The following CHRM2 variants were observed in gnomAD, a reference collection of about 807,000 sequenced individuals.
CHRM2 encodes the protein muscarinic acetylcholine receptor M2.
In CHRM2, 8 loss-of-function variants were observed where a neutral mutation model predicts 25.0. The ratio of observed to expected loss-of-function variants is 0.32; its 90% confidence interval spans 0.19 to 0.58. CHRM2 has a LOEUF of 0.58. Ranked by LOEUF, CHRM2 falls within the 20% of genes least tolerant of loss-of-function variation. The pLI is 0.88. For missense variants in CHRM2, 440 were observed against 567.1 expected, an observed-to-expected ratio of 0.78 and a Z score of 2.28; for synonymous variants, 202 against 205.7, an observed-to-expected ratio of 0.98 and a Z score of 0.15.
chr7:136,953,324 A>G (rs996259342), intron 2 of CHRM2, among the ~76,000 whole-genome samples: 2 of 152,264 alleles, frequency 1.3e-5, no homozygotes, highest in Non-Finnish European at 2.9e-5. Context: ...AATTTCTGGT[A>G]GTGACAAATG....
At chr7:136,870,889 T>G (rs186645432) in intron 2 of CHRM2, 1 of 152,428 alleles carries the variant, frequency 6.6e-6, no homozygotes, top group Non-Finnish European at 1.5e-5. Flanking sequence ...CCACATCGAC[T>G]TTCTATTTCC....
chr7:136,900,559 G>A (rs1797142458), intron 2 of CHRM2, among the ~76,000 whole-genome samples: 1 of 151,958 alleles, frequency 6.6e-6, no homozygotes, highest in Admixed American at 6.6e-5. Context: ...GGAAGGAGGG[G>A]ATGTGAAAAG....
chr7:136,961,237 G>T (rs1236947903), intron 2 of CHRM2, among the ~76,000 whole-genome samples: 1 of 152,080 alleles, frequency 6.6e-6, no homozygotes, highest in Non-Finnish European at 1.5e-5. Flanking sequence ...ACTACATGAG[G>T]TATTCAGCAC....
chr7:136,906,623 A>C (rs903312665), intron 2 of CHRM2, among the ~76,000 whole-genome samples: 2 of 151,790 alleles, frequency 1.3e-5, no homozygotes, highest in African/African-American at 4.8e-5. Context: ...AGTTTCTTGA[A>C]CAATTATTTA....
At chr7:136,888,206 C>A (rs943493256) in intron 2 of CHRM2, among the ~76,000 whole-genome samples, 2 of 152,166 alleles carry the variant, frequency 1.3e-5, no homozygotes, top group African/African-American at 4.8e-5. Flanking sequence ...CCCATCGAGT[C>A]GTAGCTTAGT....
intron 2 of CHRM2, among the ~76,000 whole-genome samples, chr7:136,931,306 C>T (rs1310278516): frequency 6.6e-6 from 1 of 152,160 alleles, no homozygotes; most frequent in East Asian, 1.9e-4. Flanking sequence ...AAATGCACAG[C>T]AGGAACAGCT....
intron 2 of CHRM2, among the ~76,000 whole-genome samples, chr7:136,954,595 T>G (rs1800609374): frequency 6.6e-6 from 1 of 152,144 alleles, no homozygotes; most frequent in African/African-American, 2.4e-5. Context: ...TTCTCCCTCA[T>G]GAACAGTGAG....
chr7:136,927,016 G>C (rs928788512), intron 2 of CHRM2, among the ~76,000 whole-genome samples: 1 of 148,882 alleles, frequency 6.7e-6, no homozygotes, highest in East Asian at 1.9e-4. Flanking sequence ...TCATACCTTA[G>C]AATATGCTAA....
chr7:137,014,560 G>A (rs1805044444), intron 3 of CHRM2, among the ~76,000 whole-genome samples: 1 of 151,978 alleles, frequency 6.6e-6, no homozygotes, highest in East Asian at 1.9e-4. Context: ...TAGGTAGGTA[G>A]ATAGATACTC....
At chr7:136,899,042 C>T (rs944133529) in intron 2 of CHRM2, 1 of 152,012 alleles carries the variant, frequency 6.6e-6, no homozygotes, top group Non-Finnish European at 1.5e-5. Flanking sequence ...CAAAGTGTTA[C>T]AGTTATTCTT....
chr7:137,006,420 G>A (rs1229869659), intron 3 of CHRM2, among the ~76,000 whole-genome samples: 1 of 152,028 alleles, frequency 6.6e-6, no homozygotes, highest in Non-Finnish European at 1.5e-5. Flanking sequence ...TTGAAGAGGA[G>A]AAAAGATAGC....
At chr7:136,957,696 C>T (rs1177244605) in intron 2 of CHRM2, among the ~76,000 whole-genome samples, 3 of 152,066 alleles carry the variant, frequency 2.0e-5, no homozygotes, top group Non-Finnish European at 4.4e-5. Flanking sequence ...TGTATTCACC[C>T]CTCAGTTTAC....
At chr7:136,899,437 T>G (rs1379716658) in intron 2 of CHRM2, 2 of 152,114 alleles carry the variant, frequency 1.3e-5, no homozygotes, top group Non-Finnish European at 2.9e-5. Flanking sequence ...AGATAATTCT[T>G]ACTAGTTTGC....
intron 2 of CHRM2, among the ~76,000 whole-genome samples, chr7:136,949,183 C>A (rs138998683): frequency 0.011 from 1,618 of 152,216 alleles, 23 homozygotes; most frequent in Non-Finnish European, 0.014. Context: ...ATATTTAATA[C>A]ACTACAGATA....
intron 2 of CHRM2, among the ~76,000 whole-genome samples, chr7:136,971,845 G>T (rs570843034): frequency 6.6e-6 from 1 of 152,210 alleles, no homozygotes; most frequent in South Asian, 2.1e-4. Flanking sequence ...TTCCTTCCAG[G>T]TTACAGAATC....
intron 2 of CHRM2, among the ~76,000 whole-genome samples, chr7:136,931,574 T>C (rs2130781506): frequency 6.6e-6 from 1 of 152,332 alleles, no homozygotes; most frequent in South Asian, 2.1e-4. Context: ...ACTGAAACAG[T>C]TACCAGCACC....
intron 2 of CHRM2, among the ~76,000 whole-genome samples, chr7:136,878,477 TTTTGCTTTATTTTAAAATAAGCCTGAC>T (rs1429271839): frequency 6.6e-6 from 1 of 151,884 alleles, no homozygotes; most frequent in African/African-American, 2.4e-5. Flanking sequence ...GCAATCTCAG[TTTTGCTTTATTTTAAAATAAGCCTGAC>T]TGGATATTTT....
intron 2 of CHRM2, among the ~76,000 whole-genome samples, chr7:136,880,158 T>C (rs1011919204): frequency 1.3e-5 from 2 of 151,448 alleles, no homozygotes; most frequent in Admixed American, 1.3e-4. Context: ...ATTCCGTTAT[T>C]TGAGTAGACA....
At chr7:136,877,789 C>A (rs1218106914) in intron 2 of CHRM2, among the ~76,000 whole-genome samples, 1 of 151,970 alleles carries the variant, frequency 6.6e-6, no homozygotes, top group Non-Finnish European at 1.5e-5. Flanking sequence ...GCTGATGATT[C>A]TTCTGTTTGA....
Sources: allele counts gnomAD v4.1 joint callset (sites outside exome capture counted in the v4.1 genomes callset), GRCh38; gene constraint gnomAD v4.1.1; transcripts MANE v1.5; gene names NCBI Gene and HGNC (gene_info 2026-07-23, HGNC 2026-07-21).